ZBTB8OS: variants seen among roughly 807,000 people sequenced by gnomAD.
ZBTB8OS encodes the protein tRNA-splicing ligase-activating factor archease.
Under a neutral mutation model 29.3 loss-of-function variants are expected in ZBTB8OS, and 16 were observed. That is an observed-to-expected ratio of 0.55 (90% CI 0.37 to 0.83). The LOEUF (loss-of-function observed/expected upper bound fraction) is 0.83. Ranked by LOEUF, ZBTB8OS falls within the 40% of genes least tolerant of loss-of-function variation. ZBTB8OS has a pLI of 0.00. For missense variants in ZBTB8OS, 160 were observed against 196.9 expected, an observed-to-expected ratio of 0.81 and a Z score of 1.12; for synonymous variants, 70 against 64.6, an observed-to-expected ratio of 1.08 and a Z score of -0.40.
rs3753603 is a variant in ZBTB8OS, at chr1:32,621,836, G to A, written c.*26C>T. 86,388 of 1,484,284 alleles carry A rather than the reference G, an allele frequency of 0.058. 6,564 individuals carry two copies. Among genetic ancestry groups the A allele is most frequent in the African/African-American group, 0.35 (24,936 of 70,458 alleles). 91.9% of individuals were successfully genotyped at this position (1,484,284 alleles called of 1,614,324 possible). ...AAGAGGAAAACAAAAACAGTTCTTC[G>A]TAGGAGTCTTTTATTTTTTGGTGTC... is the stretch of plus-strand genomic sequence containing the variant. On this transcript the variant is annotated 3_prime_UTR_variant, in exon 7 of 7. Transcript: ENST00000468695.
At chr1:32,627,308 C>T (rs572926941) in intron 6 of ZBTB8OS, among the ~76,000 whole-genome samples, 200 bp downstream of exon 6, 1 of 152,254 alleles carries the variant, frequency 6.6e-6, no homozygotes, top group South Asian at 2.1e-4. Context: ...ACCCTAGAAC[C>T]CAATGCTGAC....
At chr1:32,623,180 A>C (rs1644866658) in intron 6 of ZBTB8OS, among the ~76,000 whole-genome samples, 3 of 152,222 alleles carry the variant, frequency 2.0e-5, no homozygotes, top group Non-Finnish European at 4.4e-5. Flanking sequence ...ATTTCACAGA[A>C]GGATATAAGT....
chr1:32,623,082 G>C (rs1410636004), intron 6 of ZBTB8OS, among the ~76,000 whole-genome samples: 1 of 152,114 alleles, frequency 6.6e-6, no homozygotes, highest in Non-Finnish European at 1.5e-5. Context: ...GCTCCAAAAG[G>C]AATCTACAAT....
At chr1:32,640,434 T>C (rs1646307878) in intron 1 of ZBTB8OS, among the ~76,000 whole-genome samples, 2 of 152,216 alleles carry the variant, frequency 1.3e-5, no homozygotes, top group South Asian at 4.1e-4. Flanking sequence ...TTAGTTGCAA[T>C]GTGGATTCTG....
In ZBTB8OS at chr1:32,636,308, G is replaced by A. The variant is rs150332789; in HGVS notation, c.98-1516C>T. Among the ~76,000 whole-genome samples the A allele has an allele frequency of 5.3e-3, 803 of 152,294 alleles. 11 individuals are homozygous for A. Among genetic ancestry groups the A allele is most frequent in the African/African-American group, 0.017 (714 of 41,552 alleles). ...AGCACAACCAGCTCTGCGTAAATTAGTCTTTTTCCACTGCAATTCCCCCAT... is the reference window on the plus strand; with the variant it reads ...AGCACAACCAGCTCTGCGTAAATTAATCTTTTTCCACTGCAATTCCCCCAT... On this transcript the variant is annotated intron_variant, in intron 1 of 6. Coordinates refer to ENST00000468695, the MANE Select transcript of ZBTB8OS (RefSeq NM_178547.5).
At chr1:32,631,314 C>T (rs1319925709) in intron 5 of ZBTB8OS, among the ~76,000 whole-genome samples, 1 of 147,942 alleles carries the variant, frequency 6.8e-6, no homozygotes, top group East Asian at 2.0e-4. Context: ...ATGACCACAC[C>T]ACTGTACTCC....
At chr1:32,627,083 C>T (rs909437750) in intron 6 of ZBTB8OS, among the ~76,000 whole-genome samples, 1 of 152,106 alleles carries the variant, frequency 6.6e-6, no homozygotes, top group Non-Finnish European at 1.5e-5. Flanking sequence ...TATTATCTGT[C>T]CATTTTACAG....
At chr1:32,637,681 G>C (rs181695589) in intron 1 of ZBTB8OS, among the ~76,000 whole-genome samples, 1 of 152,280 alleles carries the variant, frequency 6.6e-6, no homozygotes. Flanking sequence ...AGGAAGTGGA[G>C]GATTGACTGG....
intron 4 of ZBTB8OS, 55 bp from the exon 5 acceptor site, chr1:32,631,934 T>G (rs944152775): frequency 3.0e-5 from 24 of 800,312 alleles, no homozygotes; most frequent in South Asian, 7.9e-5. Context: ...GACTATCTAC[T>G]AAAAATCTTT....
At chr1:32,641,651 C>T (rs1340917314) in intron 1 of ZBTB8OS, among the ~76,000 whole-genome samples, 7 of 148,316 alleles carry the variant, frequency 4.7e-5, no homozygotes, top group South Asian at 4.3e-4. Context: ...CGGTGGCTCA[C>T]ACCTGTAATC....
At chr1:32,634,922 T>C in intron 1 of ZBTB8OS, 130 bp from the exon 2 acceptor site, 1 of 746,040 alleles carries the variant, frequency 1.3e-6, no homozygotes, top group Non-Finnish European at 2.5e-6. Flanking sequence ...GGCCAGTCCA[T>C]CCACACCTTT....
chr1:32,636,159 C>T (rs950852464), intron 1 of ZBTB8OS, among the ~76,000 whole-genome samples: 6 of 152,114 alleles, frequency 3.9e-5, no homozygotes, highest in South Asian at 4.1e-4. Flanking sequence ...CCCTGTGATT[C>T]CATCTCCAAC....
In ZBTB8OS at chr1:32,637,904, G is replaced by A. The variant is rs111953587; in HGVS notation, c.98-3112C>T. Among the ~76,000 whole-genome samples the A allele has an allele frequency of 3.3e-3, 496 of 152,114 alleles. 2 individuals carry two copies. The highest frequency in any genetic ancestry group is 0.011 in the African/African-American group (460 of 41,524). ...GCTGGAGTGCAGTGGAGTGATCTTG[G>A]CTCACTGCAACCTCTGCCTCCCAGG... On this transcript the variant is annotated intron_variant, in intron 1 of 6. Coordinates refer to ENST00000468695, the MANE Select transcript of ZBTB8OS (RefSeq NM_178547.5).
chr1:32,634,997 G>C (rs1244802171), intron 1 of ZBTB8OS, among the ~76,000 whole-genome samples: 1 of 150,664 alleles, frequency 6.6e-6, no homozygotes, highest in Non-Finnish European at 1.5e-5. Context: ...TTTTTGCGGG[G>C]ACAGAGAGCC....
intron 1 of ZBTB8OS, among the ~76,000 whole-genome samples, chr1:32,637,440 C>A (rs1182916464): frequency 6.6e-6 from 1 of 151,812 alleles, no homozygotes; most frequent in African/African-American, 2.4e-5. Flanking sequence ...TGGTGGCACC[C>A]GCCTGTAGTC....
At chr1:32,627,383 A>G (rs1216066468) in intron 6 of ZBTB8OS, 125 bp downstream of exon 6, 6 of 812,812 alleles carry the variant, frequency 7.4e-6, no homozygotes, top group Non-Finnish European at 1.2e-5. Flanking sequence ...CAGACAGGTC[A>G]GAGAAGCTTG....
intron 1 of ZBTB8OS, among the ~76,000 whole-genome samples, chr1:32,650,221 A>C (rs903702638): frequency 1.1e-4 from 16 of 152,146 alleles, no homozygotes; most frequent in African/African-American, 3.6e-4. Context: ...ACTGTAAATG[A>C]GGGAGGCCAG....
intron 5 of ZBTB8OS, among the ~76,000 whole-genome samples, chr1:32,628,368 G>T (rs1645279327): frequency 6.6e-6 from 1 of 151,240 alleles, no homozygotes; most frequent in Non-Finnish European, 1.5e-5. Flanking sequence ...CAGGCGCGGT[G>T]GCTCATGCCT....
At chr1:32,631,257 A>C (rs1435090525) in intron 5 of ZBTB8OS, among the ~76,000 whole-genome samples, 3 of 150,436 alleles carry the variant, frequency 2.0e-5, no homozygotes, top group Non-Finnish European at 4.4e-5. Flanking sequence ...CAGGAGGCTG[A>C]GGTGGGAGGA....
Sources: allele counts gnomAD v4.1 joint callset (sites outside exome capture counted in the v4.1 genomes callset), GRCh38; gene constraint gnomAD v4.1.1; transcripts MANE v1.5; gene names NCBI Gene and HGNC (gene_info 2026-07-23, HGNC 2026-07-21).